Variants in MIX23 observed in about 807,000 individuals in gnomAD.
MIX23 encodes the protein mitochondrial matrix import factor 23.
In MIX23, 13 loss-of-function variants were observed where a neutral mutation model predicts 21.6. That is an observed-to-expected ratio of 0.60 (90% CI 0.39 to 0.96). MIX23 has a LOEUF of 0.96. MIX23 is among the 40% of genes least tolerant of loss of function. The pLI is 0.00. For synonymous variants in MIX23, 59 were observed against 58.0 expected (o/e 1.02, Z -0.08); for missense variants, 144 against 171.2 (o/e 0.84, Z 0.89).
intron 4 of MIX23, among the ~76,000 whole-genome samples, chr3:122,360,456 TAC>T (rs1284681282): frequency 6.6e-6 from 1 of 151,824 alleles, no homozygotes; most frequent in Non-Finnish European, 1.5e-5. Context: ...GGTAGAAAAA[TAC>T]ACACACACAT....
chr3:122,379,197 A>T (rs2107688512), intron 1 of MIX23, among the ~76,000 whole-genome samples: 1 of 152,364 alleles, frequency 6.6e-6, no homozygotes, highest in Non-Finnish European at 1.5e-5. Context: ...GTGATGAAGT[A>T]GTAGAGGCAT....
chr3:122,368,159 A>C lies in MIX23; in HGVS notation c.324+17T>G, dbSNP rs754079143. On this transcript the variant is annotated intron_variant, in intron 3 of 4. Coordinates refer to ENST00000291458, the MANE Select transcript of MIX23 (RefSeq NM_001017928.4). ...GGAAAAACTTTGCCTGAGAAATGTT[A>C]ATTCTGTTCAACTTACCTTTGTCTG... 1 of 1,608,698 alleles carries C rather than the reference A, an allele frequency of 6.2e-7. No individual in the cohort carries two copies. The highest frequency in any genetic ancestry group is 8.5e-7 in the Non-Finnish European group (1 of 1,178,692).
chr3:122,371,909 C>A, intron 1 of MIX23, 109 bp from the exon 2 acceptor site: 1 of 947,230 alleles, frequency 1.1e-6, no homozygotes, highest in Non-Finnish European at 1.5e-6. Context: ...TCCTTTAAGT[C>A]AGGAGTGAGG....
chr3:122,381,825 T>C lies in MIX23; in HGVS notation c.51+1349A>G, dbSNP rs953635410. Among the ~76,000 whole-genome samples, 6 of 151,550 alleles carry C rather than the reference T, an allele frequency of 4.0e-5. No individual in the cohort carries two copies. The East Asian group carries it at 1.2e-3, about 29-fold the overall frequency. On this transcript the variant is annotated intron_variant, in intron 1 of 4. Coordinates refer to ENST00000291458, the MANE Select transcript of MIX23 (RefSeq NM_001017928.4). ...AAGAGATAGTGACATAGAGAAGACA[T>C]GGTGAGAAAGCAGCCATTTACAAGC... is the stretch of plus-strand genomic sequence containing the variant.
chr3:122,367,772 G>A (rs2075407790), intron 3 of MIX23: 1 of 184,996 alleles, frequency 5.4e-6, no homozygotes, highest in Non-Finnish European at 1.1e-5. Flanking sequence ...AATGAAACTG[G>A]AGCTATTTCC....
chr3:122,366,192 A>G (rs1390845945), intron 3 of MIX23, among the ~76,000 whole-genome samples: 3 of 51,852 alleles, frequency 5.8e-5, no homozygotes, highest in Non-Finnish European at 1.4e-4. Context: ...ATAAATAAAT[A>G]AATAAATAAA....
intron 1 of MIX23, among the ~76,000 whole-genome samples, chr3:122,382,858 G>A (rs536445738): frequency 1.3e-5 from 2 of 152,320 alleles, no homozygotes; most frequent in African/African-American, 2.4e-5. Flanking sequence ...TGGAAACTGA[G>A]TTCAGGGAAC....
chr3:122,376,357 G>A (rs537987428), intron 1 of MIX23, among the ~76,000 whole-genome samples: 1 of 151,826 alleles, frequency 6.6e-6, no homozygotes, highest in Non-Finnish European at 1.5e-5. Context: ...GGTGGCTCAC[G>A]TCTGTAATCC....
At chr3:122,376,563 G>GA (rs2075488572) in intron 1 of MIX23, among the ~76,000 whole-genome samples, 1 of 152,098 alleles carries the variant, frequency 6.6e-6, no homozygotes, top group Non-Finnish European at 1.5e-5. Context: ...AGGTTGCAGT[G>GA]AACCAAGATT....
rs1339813251 is a variant in MIX23, at chr3:122,368,309, T to C, written c.191A>G (p.His64Arg). 1 of 1,588,332 alleles carries C rather than the reference T, an allele frequency of 6.3e-7. No homozygotes were observed. Among genetic ancestry groups the C allele is most frequent in the African/African-American group, 1.4e-5 (1 of 73,116 alleles). ...TTTTATGACTCTGTCTCTACTGGCA[T>C]GAGCTGCCATCAACTAAAAGAACAA... The part of the protein sequence containing the change: ...KQLYESLMAA[H>R]ASRDRVIKNC... The change falls in exon 3 of 5, where the codon CAT (histidine) becomes CGT (arginine). Residue 64 changes from histidine to arginine, a missense_variant. His to Arg is a conservative substitution (Grantham distance 29). Transcript: ENST00000291458.
chr3:122,367,560 C>T (rs909388980), intron 3 of MIX23, among the ~76,000 whole-genome samples: 4 of 152,026 alleles, frequency 2.6e-5, no homozygotes, highest in Admixed American at 2.6e-4. Flanking sequence ...AAAAACACTG[C>T]AGGGATAGGG....
intron 3 of MIX23, among the ~76,000 whole-genome samples, chr3:122,367,635 G>T (rs933015093): frequency 1.8e-4 from 27 of 152,158 alleles, no homozygotes; most frequent in African/African-American, 6.5e-4. Context: ...TTACACAGTA[G>T]GGAAATAAAT....
intron 4 of MIX23, among the ~76,000 whole-genome samples, chr3:122,362,099 T>C (rs894771482): frequency 2.0e-5 from 3 of 152,222 alleles, no homozygotes; most frequent in African/African-American, 4.8e-5. Flanking sequence ...ATTTTGACTA[T>C]ATGTTTCTGG....
chr3:122,380,648 T>C (rs1190582551), intron 1 of MIX23, among the ~76,000 whole-genome samples: 4 of 152,196 alleles, frequency 2.6e-5, no homozygotes, highest in Non-Finnish European at 5.9e-5. Flanking sequence ...CACTTTGGGA[T>C]TGGATTTTAA....
rs553234556 is a variant in MIX23 at position 122,369,843 on chromosome 3, G to A, written c.178-1521C>T. ...TGGCTCACTGCAACCTCTGCCTTCT[G>A]GGCTCAAGCAATCCTCCTGCCTTAG... On this transcript the variant is annotated intron_variant, in intron 2 of 4. Coordinates refer to ENST00000291458, the MANE Select transcript of MIX23 (RefSeq NM_001017928.4). 1.4e-3 allele frequency among the ~76,000 whole-genome samples: 218 copies of A among 152,266 alleles called. 1 individual carries two copies. Among genetic ancestry groups the A allele is most frequent in the Middle Eastern group, 6.8e-3 (2 of 294 alleles).
At chr3:122,369,854 A>G (rs551940068) in intron 2 of MIX23, among the ~76,000 whole-genome samples, 50 of 152,260 alleles carry the variant, frequency 3.3e-4, no homozygotes, top group Middle Eastern at 6.8e-3. Flanking sequence ...GGCTCAAGCA[A>G]TCCTCCTGCC....
At chr3:122,374,410 T>C (rs2075467077) in intron 1 of MIX23, among the ~76,000 whole-genome samples, 1 of 152,234 alleles carries the variant, frequency 6.6e-6, no homozygotes, top group Non-Finnish European at 1.5e-5. Context: ...CTCAAGTCCC[T>C]GATATAAAAT....
At chr3:122,368,871 TTATAAAA>T (rs1279891909) in intron 2 of MIX23, among the ~76,000 whole-genome samples, 1 of 152,222 alleles carries the variant, frequency 6.6e-6, no homozygotes, top group African/African-American at 2.4e-5. Flanking sequence ...CTTTTCAAGA[TTATAAAA>T]TATAAGTATT....
intron 2 of MIX23, 114 bp downstream of exon 2, chr3:122,371,561 G>T: frequency 8.3e-7 from 1 of 1,207,182 alleles, no homozygotes; most frequent in Non-Finnish European, 1.2e-6. Context: ...TCAGGTATAG[G>T]CAAAGAAAAG....
Sources: gnomAD v4.1 joint callset for allele counts (sites outside exome capture counted in the v4.1 genomes callset) on GRCh38, gnomAD v4.1.1 for gene constraint, MANE v1.5 for transcripts, NCBI Gene and HGNC (gene_info 2026-07-23, HGNC 2026-07-21) for gene names.